Variants in GFM1 observed in about 807,000 individuals in gnomAD.
The protein encoded by GFM1 is elongation factor G, mitochondrial.
GFM1 carries 62 observed loss-of-function variants against 96.2 expected under a neutral mutation model. The ratio of observed to expected loss-of-function variants is 0.64; its 90% CI spans 0.53 to 0.80. The LOEUF (loss-of-function observed/expected upper bound fraction) is 0.80, where lower values mean the gene tolerates loss of function less well. Among genes scored for constraint, GFM1 ranks in the 30% least tolerant of loss-of-function variants. GFM1 has a pLI of 0.00. For missense variants in GFM1, 852 were observed against 916.6 expected, an observed-to-expected ratio of 0.93 and a Z score of 0.91; for synonymous variants, 282 against 312.9, an observed-to-expected ratio of 0.90 and a Z score of 1.04.
chr3:158,658,461 G>A (rs1722942032), intron 8 of GFM1, among the ~76,000 whole-genome samples: 1 of 152,132 alleles, frequency 6.6e-6, no homozygotes, highest in Non-Finnish European at 1.5e-5. Context: ...GACCAGCCCA[G>A]CCACAGAACT....
intron 8 of GFM1, 38 bp downstream of exon 8, chr3:158,654,669 G>A: frequency 7.8e-7 from 1 of 1,289,302 alleles, no homozygotes; most frequent in African/African-American, 1.5e-5. Flanking sequence ...GCTATCTGTA[G>A]AATGTTTTTA....
intron 6 of GFM1, among the ~76,000 whole-genome samples, chr3:158,652,669 G>A (rs1722392802): frequency 1.3e-5 from 2 of 152,168 alleles, no homozygotes; most frequent in South Asian, 2.1e-4. Context: ...GCTGGGGCAG[G>A]ACCTGGAGCT....
chr3:158,648,626 G>A (rs371548744), intron 4 of GFM1, among the ~76,000 whole-genome samples: 2 of 148,856 alleles, frequency 1.3e-5, no homozygotes, highest in East Asian at 2.0e-4. Flanking sequence ...TGCAGTGAGC[G>A]GAAATCACAC....
At chr3:158,645,516 T>C (rs1248123040) in intron 1 of GFM1, 113 bp from the exon 2 acceptor site, 3 of 900,914 alleles carry the variant, frequency 3.3e-6, no homozygotes, top group Non-Finnish European at 5.4e-6. Flanking sequence ...TCTCAAGCTA[T>C]CTCATATCCA....
Position 158,691,140 on chromosome 3 carries a change from T to C in GFM1, c.2072T>C (p.Val691Ala). Residue 691 changes from valine (V) to alanine (A), a missense_variant and splice_region_variant, in exon 17 of 18, where the codon GTC becomes GCC. By Grantham distance (64) the Val-to-Ala change is moderately conservative. Transcript: ENST00000486715. ...VEDYFTLYAD[V>A]PLNDMFGYST... Reference sequence around the variant, plus strand: ...AATATCTACTATGTTTGTTTTCAGGTCCCTCTAAATGATATGTTTGGTTAT... The same window carrying C: ...AATATCTACTATGTTTGTTTTCAGGCCCCTCTAAATGATATGTTTGGTTAT... 1 of 1,607,272 alleles carries C rather than the reference T, an allele frequency of 6.2e-7. No individual in the cohort carries two copies. The highest frequency in any genetic ancestry group is 8.5e-7 in the Non-Finnish European group (1 of 1,173,874).
At chr3:158,660,440 G>T (rs1723112642) in intron 9 of GFM1, 1 of 174,720 alleles carries the variant, frequency 5.7e-6, no homozygotes, top group Non-Finnish European at 1.2e-5. Context: ...TAGAGACAGG[G>T]TTTCACCATG....
intron 14 of GFM1, among the ~76,000 whole-genome samples, chr3:158,684,197 A>G (rs1437016599): frequency 1.3e-5 from 2 of 152,120 alleles, no homozygotes; most frequent in Non-Finnish European, 2.9e-5. Context: ...ACTGGAGCCT[A>G]TTAGAGGGTG....
chr3:158,684,914 A>G (rs566355462), intron 15 of GFM1: 2 of 416,424 alleles, frequency 4.8e-6, no homozygotes, highest in Non-Finnish European at 4.3e-6. Flanking sequence ...ATTTGAATTC[A>G]TAGATAATTT....
At chr3:158,681,783 A>T (rs1321508747) in intron 13 of GFM1, among the ~76,000 whole-genome samples, 1 of 152,198 alleles carries the variant, frequency 6.6e-6, no homozygotes, top group East Asian at 1.9e-4. Context: ...TCTGTATATT[A>T]CCTTGGGTAG....
At chr3:158,671,065 C>CA (rs1221836674) in intron 13 of GFM1, 4 of 1,440,704 alleles carry the variant, frequency 2.8e-6, no homozygotes, top group Non-Finnish European at 3.7e-6. Context: ...ATTATAACAA[C>CA]ATTATACTTG....
intron 13 of GFM1, among the ~76,000 whole-genome samples, chr3:158,673,895 T>G (rs1724623481): frequency 6.6e-6 from 1 of 152,114 alleles, no homozygotes; most frequent in Non-Finnish European, 1.5e-5. Flanking sequence ...ATCTGGATTC[T>G]GGACTTTGGC....
intron 5 of GFM1, 86 bp from the exon 6 acceptor site, chr3:158,652,010 T>G: frequency 8.4e-7 from 1 of 1,196,466 alleles, no homozygotes; most frequent in Non-Finnish European, 1.2e-6. Flanking sequence ...TAAAAAAATA[T>G]TTTAACCATT....
intron 13 of GFM1, among the ~76,000 whole-genome samples, chr3:158,677,535 C>G (rs1219215406): frequency 3.3e-5 from 5 of 152,144 alleles, no homozygotes; most frequent in Non-Finnish European, 7.4e-5. Context: ...GAGTTTCACT[C>G]TGTCGTCCAG....
At chr3:158,667,344 T>TA (rs1265408570) in intron 13 of GFM1, among the ~76,000 whole-genome samples, 23 of 152,384 alleles carry the variant, frequency 1.5e-4, no homozygotes, top group Non-Finnish European at 8.8e-5. Flanking sequence ...TTGTGGTGGC[T>TA]ACTTAAGAGA....
At chr3:158,669,541 T>A (rs1223122672) in intron 13 of GFM1, 9 of 1,613,924 alleles carry the variant, frequency 5.6e-6, no homozygotes, top group African/African-American at 1.3e-5. Flanking sequence ...AATGTGAAGT[T>A]GACTTCTGGT....
At chr3:158,661,337 T>C (rs1723180263) in intron 10 of GFM1, among the ~76,000 whole-genome samples, 1 of 152,196 alleles carries the variant, frequency 6.6e-6, no homozygotes. Flanking sequence ...TTGTTACCAC[T>C]AACATCAAGC....
Position 158,684,558 on chromosome 3 carries a change from C to G in GFM1, c.1799C>G (p.Ser600Cys), listed in dbSNP as rs776580184. The change falls in exon 15 of 18, where the codon TCT becomes TGT. Residue 600 changes from serine to cysteine, a missense_variant. By Grantham distance (112) the Ser-to-Cys change is moderately radical (BLOSUM62 -1). Coordinates refer to ENST00000486715, the MANE Select transcript of GFM1 (RefSeq NM_024996.7). ...FLDACEKGPL[S>C]GHKLSGLRFV... ...GATGCCTGCGAGAAGGGCCCTCTTT[C>G]TGGTCACAAGCTCTCTGGGCTCCGG... The G allele has an allele frequency of 5.6e-6, 9 of 1,613,990 alleles. No homozygotes were observed. The highest frequency in any genetic ancestry group is 5.0e-5 in the Admixed American group (3 of 59,970).
intron 13 of GFM1, chr3:158,672,391 T>G (rs780841473): frequency 8.1e-6 from 13 of 1,613,940 alleles, no homozygotes; most frequent in Non-Finnish European, 1.1e-5. Flanking sequence ...TCAAACACCC[T>G]GTGCGGGGTC....
chr3:158,647,975 T>C (rs1394226418), intron 4 of GFM1, among the ~76,000 whole-genome samples: 1 of 152,200 alleles, frequency 6.6e-6, no homozygotes, highest in Non-Finnish European at 1.5e-5. Context: ...CCTTCTCATT[T>C]TGGATTGGGC....
Sources: gnomAD v4.1 joint callset for allele counts (sites outside exome capture counted in the v4.1 genomes callset) on GRCh38, gnomAD v4.1.1 for gene constraint, MANE v1.5 for transcripts, NCBI Gene and HGNC (gene_info 2026-07-23, HGNC 2026-07-21) for gene names.